GMPS: variants seen among roughly 807,000 people sequenced by gnomAD.
The protein encoded by GMPS is guanosine monophosphate synthase.
A neutral mutation model predicts 77.9 loss-of-function variants in GMPS; 15 were observed. The ratio of observed to expected loss-of-function variants is 0.19; its 90% confidence interval spans 0.13 to 0.30. The LOEUF (loss-of-function observed/expected upper bound fraction) is 0.30. Among genes scored for constraint, GMPS ranks in the 10% least tolerant of loss-of-function variants. The pLI is 1.00. For missense variants in GMPS, 590 were observed against 838.8 expected (o/e 0.70, Z 3.66); for synonymous variants, 224 against 275.9 (o/e 0.81, Z 1.86).
intron 7 of GMPS, among the ~76,000 whole-genome samples, chr3:155,912,275 G>A (rs1455437606): frequency 1.3e-5 from 2 of 152,206 alleles, no homozygotes; most frequent in Non-Finnish European, 2.9e-5. Flanking sequence ...CCTTAAGGAT[G>A]TGGGATAGAG....
intron 13 of GMPS, among the ~76,000 whole-genome samples, chr3:155,934,150 T>C (rs1173610076): frequency 2.6e-5 from 4 of 152,236 alleles, no homozygotes; most frequent in Non-Finnish European, 4.4e-5. Context: ...AGATTTCCAG[T>C]GCATGTTAGC....
At chr3:155,896,729 ATTT>A (rs1020255894) in intron 2 of GMPS, among the ~76,000 whole-genome samples, 120 of 92,028 alleles carry the variant, frequency 1.3e-3, no homozygotes, top group East Asian at 5.9e-3. Context: ...CCTTACTGAG[ATTT>A]TTTTTTTTTT....
At chr3:155,896,473 G>A (rs1175050894) in intron 2 of GMPS, among the ~76,000 whole-genome samples, 1 of 151,924 alleles carries the variant, frequency 6.6e-6, no homozygotes, top group African/African-American at 2.4e-5. Flanking sequence ...CACATCTCAG[G>A]TTGCCCATAC....
At chr3:155,902,574 A>G (rs1283286200) in intron 3 of GMPS, among the ~76,000 whole-genome samples, 1 of 152,238 alleles carries the variant, frequency 6.6e-6, no homozygotes, top group Non-Finnish European at 1.5e-5. Context: ...CTGCAGTGGC[A>G]AGAGCTAAAT....
At chr3:155,913,836 G>A (rs1390304007) in intron 7 of GMPS, among the ~76,000 whole-genome samples, 1 of 151,480 alleles carries the variant, frequency 6.6e-6, no homozygotes, top group Non-Finnish European at 1.5e-5. Flanking sequence ...AGCATAATTT[G>A]TGATGTCATG....
At chr3:155,908,448 G>A (rs1275648265) in intron 5 of GMPS, among the ~76,000 whole-genome samples, 2 of 152,174 alleles carry the variant, frequency 1.3e-5, no homozygotes, top group East Asian at 3.8e-4. Context: ...CAAAGTGTCT[G>A]CGTGCCTAAC....
chr3:155,930,630 C>T (rs936565415), intron 12 of GMPS, among the ~76,000 whole-genome samples: 4 of 152,144 alleles, frequency 2.6e-5, no homozygotes, highest in Non-Finnish European at 5.9e-5. Flanking sequence ...GGGCTAATAT[C>T]CAGAATCTAC....
intron 1 of GMPS, among the ~76,000 whole-genome samples, chr3:155,878,089 A>G (rs1394407692): frequency 3.3e-5 from 5 of 152,138 alleles, no homozygotes; most frequent in East Asian, 3.9e-4. Context: ...GGCCTCTTTT[A>G]TAAGGGTACT....
At chr3:155,922,053 G>T (rs1008117909) in intron 10 of GMPS, 134 bp from the exon 11 acceptor site, 3 of 485,386 alleles carry the variant, frequency 6.2e-6, no homozygotes, top group Non-Finnish European at 1.1e-5. Flanking sequence ...GCTACATTTG[G>T]ATACTTATGA....
intron 1 of GMPS, among the ~76,000 whole-genome samples, chr3:155,876,926 A>T (rs967151963): frequency 2.6e-5 from 4 of 152,242 alleles, no homozygotes; most frequent in Non-Finnish European, 4.4e-5. Context: ...TAACACTTGC[A>T]AGGGATGTTT....
At chr3:155,934,372 T>G (rs902667155) in intron 13 of GMPS, among the ~76,000 whole-genome samples, 2 of 152,158 alleles carry the variant, frequency 1.3e-5, no homozygotes, top group African/African-American at 4.8e-5. Flanking sequence ...TAGGGGAGGA[T>G]CCTTCCTTGC....
intron 13 of GMPS, 56 bp from the exon 14 acceptor site, chr3:155,934,860 G>A (rs1016705839): frequency 3.1e-5 from 37 of 1,176,458 alleles, no homozygotes; most frequent in African/African-American, 1.5e-4. Context: ...ATACTAAAAT[G>A]TAATTTCTAC....
intron 1 of GMPS, among the ~76,000 whole-genome samples, chr3:155,892,989 T>C (rs1341510090): frequency 6.6e-6 from 1 of 152,204 alleles, no homozygotes; most frequent in African/African-American, 2.4e-5. Flanking sequence ...ATCATTTTCC[T>C]CAGATAATAC....
intron 10 of GMPS, 27 bp from the exon 11 acceptor site, chr3:155,922,159 TA>T (rs750619166): frequency 1.2e-6 from 1 of 846,078 alleles, no homozygotes; most frequent in East Asian, 3.0e-5. Context: ...ACATTAATGT[TA>T]AATACTATTA....
At chr3:155,917,449 A>G (rs1303188802) in intron 9 of GMPS, among the ~76,000 whole-genome samples, 2 of 152,114 alleles carry the variant, frequency 1.3e-5, no homozygotes, top group Non-Finnish European at 2.9e-5. Flanking sequence ...TTCTGTTTCT[A>G]TGTTTCACTA....
intron 15 of GMPS, 122 bp from the exon 16 acceptor site, chr3:155,937,469 C>T (rs981708029): frequency 6.4e-6 from 4 of 620,722 alleles, no homozygotes; most frequent in African/African-American, 1.9e-5. Flanking sequence ...GAAACCATCC[C>T]ATATACATGG....
intron 5 of GMPS, among the ~76,000 whole-genome samples, chr3:155,907,559 A>G (rs1405986720): frequency 6.6e-6 from 1 of 152,216 alleles, no homozygotes; most frequent in African/African-American, 2.4e-5. Context: ...CCTACACTCC[A>G]TCCTGGGCAA....
rs1213458107 is a variant in GMPS at position 155,893,603 on chromosome 3, G to A, written c.113G>A (p.Gly38Glu). The change falls in exon 2 of 16, where the codon GGG becomes GAG. Residue 38 changes from glycine to glutamate, a missense_variant. Transcript: ENST00000496455. ...VVILDAGAQY[G>E]KVIDRRVREL... ...ATTCTGGATGCTGGTGCTCAGTACG[G>A]GAAAGTCATAGACCGAAGAGTGAGG... The A allele has an allele frequency of 6.2e-7, 1 of 1,612,748 alleles. No homozygotes were observed. The highest frequency in any genetic ancestry group is 1.7e-5 in the Admixed American group (1 of 60,022).
intron 15 of GMPS, among the ~76,000 whole-genome samples, chr3:155,936,899 T>G (rs1270945967): frequency 2.0e-5 from 3 of 152,202 alleles, no homozygotes; most frequent in Non-Finnish European, 2.9e-5. Context: ...TTCTCCCTAC[T>G]ACCAATTCCA....
Sources: gnomAD v4.1 joint callset for allele counts (sites outside exome capture counted in the v4.1 genomes callset) on GRCh38, gnomAD v4.1.1 for gene constraint, MANE v1.5 for transcripts, NCBI Gene and HGNC (gene_info 2026-07-23, HGNC 2026-07-21) for gene names.